Variants in GALNTL6 observed in about 807,000 individuals in gnomAD.
GALNTL6 encodes polypeptide N-acetylgalactosaminyltransferase-like 6.
In GALNTL6, 46 loss-of-function variants were observed where a neutral mutation model predicts 73.7. The observed-to-expected ratio is 0.62, with a 90% CI of 0.49 to 0.80. GALNTL6 has a LOEUF of 0.80. Among genes scored for constraint, GALNTL6 ranks in the 30% least tolerant of loss-of-function variants. GALNTL6 has a pLI of 0.00. For missense variants in GALNTL6, 604 were observed against 755.0 expected, an observed-to-expected ratio of 0.80 and a Z score of 2.34; for synonymous variants, 259 against 263.7, an observed-to-expected ratio of 0.98 and a Z score of 0.17.
In GALNTL6 at chr4:172,485,402, A is replaced by G. The variant is rs9790340; in HGVS notation, c.553+136713A>G. On this transcript the variant is annotated intron_variant, in intron 5 of 12. Coordinates refer to ENST00000506823, the MANE Select transcript of GALNTL6 (RefSeq NM_001034845.3). The stretch of plus-strand genomic sequence containing the variant: ...ACCAGAGTACATCTCGCATAATGTT[A>G]CTATACAATACTATAATGTATTGTT... 5.3e-4 allele frequency among the ~76,000 whole-genome samples: 80 copies of G among 152,236 alleles called. No individual in the cohort carries two copies. In the East Asian group the frequency reaches 0.015, roughly 29 times the overall value.
intron 5 of GALNTL6, among the ~76,000 whole-genome samples, chr4:172,686,336 A>G (rs968797700): frequency 1.3e-5 from 2 of 152,098 alleles, no homozygotes; most frequent in African/African-American, 2.4e-5. Context: ...CACTCCCGCC[A>G]TGAACCTACT....
intron 2 of GALNTL6, among the ~76,000 whole-genome samples, chr4:172,081,129 A>C (rs1288375602): frequency 6.6e-6 from 1 of 152,250 alleles, no homozygotes; most frequent in Non-Finnish European, 1.5e-5. Flanking sequence ...TTACTTGAGA[A>C]AAAATAGATA....
At chr4:172,093,715 T>A (rs1467809208) in intron 2 of GALNTL6, among the ~76,000 whole-genome samples, 1 of 152,172 alleles carries the variant, frequency 6.6e-6, no homozygotes, top group Non-Finnish European at 1.5e-5. Context: ...GAACTGCACA[T>A]GCGAAGAATT....
intron 2 of GALNTL6, among the ~76,000 whole-genome samples, chr4:172,002,450 G>T (rs1388164935): frequency 6.6e-6 from 1 of 152,100 alleles, no homozygotes; most frequent in African/African-American, 2.4e-5. Flanking sequence ...GAACTTGCCA[G>T]ACTCAAGAAC....
chr4:172,191,996 A>G (rs553257755), intron 2 of GALNTL6, among the ~76,000 whole-genome samples: 1 of 152,202 alleles, frequency 6.6e-6, no homozygotes, highest in East Asian at 1.9e-4. Context: ...ATTTTTAAAA[A>G]TGTATTATTA....
chr4:172,588,595 G>T (rs1263168627), intron 5 of GALNTL6, among the ~76,000 whole-genome samples: 1 of 151,832 alleles, frequency 6.6e-6, no homozygotes, highest in African/African-American at 2.4e-5. Flanking sequence ...CCTAAAAGTG[G>T]CTATTTAATA....
At chr4:172,691,848 A>G (rs961727636) in intron 5 of GALNTL6, among the ~76,000 whole-genome samples, 2 of 152,368 alleles carry the variant, frequency 1.3e-5, no homozygotes, top group Non-Finnish European at 2.9e-5. Context: ...GCTGAGCAAG[A>G]CAATCTAAAT....
chr4:172,946,296 A>C (rs889087998), intron 9 of GALNTL6, among the ~76,000 whole-genome samples: 2 of 152,216 alleles, frequency 1.3e-5, no homozygotes, highest in African/African-American at 4.8e-5. Context: ...TACTGAGGTA[A>C]GATGGCCCAA....
intron 5 of GALNTL6, among the ~76,000 whole-genome samples, chr4:172,420,230 C>T (rs35223378): frequency 6.2e-4 from 95 of 152,236 alleles, no homozygotes; most frequent in Middle Eastern, 3.4e-3. Flanking sequence ...ACATGAATAT[C>T]GTGATAACGA....
intron 2 of GALNTL6, among the ~76,000 whole-genome samples, chr4:171,979,964 A>G (rs2111078103): frequency 6.6e-6 from 1 of 152,322 alleles, no homozygotes; most frequent in East Asian, 1.9e-4. Context: ...AAGCAAAGGA[A>G]ACAGCTCCTC....
At chr4:173,019,308 G>A (rs1022235112) in intron 11 of GALNTL6, among the ~76,000 whole-genome samples, 7 of 152,228 alleles carry the variant, frequency 4.6e-5, no homozygotes, top group African/African-American at 1.7e-4. Flanking sequence ...TAAGATGGAT[G>A]ATGAGTGACC....
chr4:172,476,192 G>T (rs1733224048), intron 5 of GALNTL6, among the ~76,000 whole-genome samples: 1 of 152,190 alleles, frequency 6.6e-6, no homozygotes, highest in African/African-American at 2.4e-5. Context: ...ACTTCTGGAG[G>T]CTGTGAATGG....
chr4:171,850,022 A>G (rs1735475029), intron 2 of GALNTL6, among the ~76,000 whole-genome samples: 1 of 152,072 alleles, frequency 6.6e-6, no homozygotes, highest in South Asian at 2.1e-4. Flanking sequence ...CTGGAGTGCA[A>G]TGGTGCAATC....
intron 5 of GALNTL6, among the ~76,000 whole-genome samples, chr4:172,409,122 G>T (rs182966895): frequency 8.6e-4 from 131 of 152,068 alleles, no homozygotes; most frequent in African/African-American, 2.6e-3. Context: ...GCTATAACTA[G>T]CTTTAAAATA....
chr4:171,994,711 T>A (rs973999277), intron 2 of GALNTL6, among the ~76,000 whole-genome samples: 21 of 146,954 alleles, frequency 1.4e-4, no homozygotes, highest in African/African-American at 4.6e-4. Context: ...GTTATTGCTA[T>A]TGCAATACAA....
At chr4:172,727,486 T>C (rs1414463997) in intron 5 of GALNTL6, among the ~76,000 whole-genome samples, 1 of 152,240 alleles carries the variant, frequency 6.6e-6, no homozygotes, top group Non-Finnish European at 1.5e-5. Context: ...TCTAATAAAT[T>C]AGCCAAACAA....
chr4:172,467,811 TTTC>T (rs1278491062), intron 5 of GALNTL6, among the ~76,000 whole-genome samples: 1 of 21,610 alleles, frequency 4.6e-5, no homozygotes, highest in African/African-American at 1.2e-4. Flanking sequence ...TTACATTTTC[TTTC>T]TTTCTTTCTT....
chr4:172,208,622 C>T (rs895168556), intron 2 of GALNTL6, among the ~76,000 whole-genome samples: 1 of 151,984 alleles, frequency 6.6e-6, no homozygotes, highest in Non-Finnish European at 1.5e-5. Context: ...CTCATAAGGT[C>T]ACAAAACAGA....
chr4:172,682,497 T>A (rs1732683894), intron 5 of GALNTL6, among the ~76,000 whole-genome samples: 1 of 152,190 alleles, frequency 6.6e-6, no homozygotes, highest in Admixed American at 6.5e-5. Flanking sequence ...TAAACAAATT[T>A]GGGATAGGTT....
Sources: gnomAD v4.1 joint callset for allele counts (sites outside exome capture counted in the v4.1 genomes callset) on GRCh38, gnomAD v4.1.1 for gene constraint, MANE v1.5 for transcripts, NCBI Gene and HGNC (gene_info 2026-07-23, HGNC 2026-07-21) for gene names.